B4GALT7: variants seen among roughly 807,000 people sequenced by gnomAD.
The protein encoded by B4GALT7 is UDP-Gal:beta-GlcNAc beta-1,4-galactosyltransferase 7.
A neutral mutation model predicts 33.0 loss-of-function variants in B4GALT7; 30 were observed. That is an observed-to-expected ratio of 0.91 (90% CI 0.68 to 1.23). The LOEUF (loss-of-function observed/expected upper bound fraction) is 1.23. Among genes scored for constraint, B4GALT7 ranks in the 50% most tolerant of loss-of-function variants. B4GALT7 has a pLI of 0.00. For synonymous variants in B4GALT7, 213 were observed against 187.2 expected, an observed-to-expected ratio of 1.14 and a Z score of -1.13; for missense variants, 507 against 450.8, an observed-to-expected ratio of 1.12 and a Z score of -1.13.
Position 177,606,842 on chromosome 5 carries a change from G to C in B4GALT7, c.414-460G>C. Reference sequence around the variant, plus strand: ...GTGGCAGTGCCATCTCTCCTATGCAGAGCCCTAGGCACCCACTGCCCTGTG... The same window carrying C: ...GTGGCAGTGCCATCTCTCCTATGCACAGCCCTAGGCACCCACTGCCCTGTG... On this transcript the variant is annotated intron_variant, in intron 2 of 5. Transcript: ENST00000029410. The surrounding 1 kb of genome is among the most constrained non-coding windows in gnomAD (Gnocchi z 4.2). 1 of 303,622 alleles carries C rather than the reference G, an allele frequency of 3.3e-6. No homozygotes were observed. Among genetic ancestry groups the C allele is most frequent in the Non-Finnish European group, 6.5e-6 (1 of 152,700 alleles). 18.8% of individuals were successfully genotyped at this position (303,622 alleles called of 1,614,324 possible).
intron 2 of B4GALT7, chr5:177,604,997 C>T (rs116141371): frequency 0.02 from 8,928 of 456,314 alleles, 141 homozygotes; most frequent in Non-Finnish European, 0.029. Flanking sequence ...CCTTCCATGA[C>T]CACAGCCTGA....
Position 177,600,253 on chromosome 5 carries a change from G to A in B4GALT7, c.43G>A (p.Asp15Asn). The A allele has an allele frequency of 7.3e-7, 1 of 1,365,006 alleles. No homozygotes were observed. The highest frequency in any genetic ancestry group is 9.5e-7 in the Non-Finnish European group (1 of 1,052,552). The allele number at this position is 1,365,006 out of a possible 1,614,324, so 84.6% of individuals were successfully genotyped here. The change falls in exon 1 of 6, where the codon GAC becomes AAC. Residue 15 changes from aspartate to asparagine, a missense_variant. Asp to Asn is a conservative substitution (Grantham distance 23, BLOSUM62 1). Transcript: ENST00000029410. This position sits in a 1 kb window ranked among gnomAD's most constrained non-coding sequence, Gnocchi z 4.4. Reference protein sequence around the residue: ...RRKAAQLPWEDGRSGLLSGGL... With the variant: ...RRKAAQLPWENGRSGLLSGGL... ...GAAAGCGGCGCAGCTGCCCTGGGAG[G>A]ACGGCAGGTGAGCGGCGGCGGTGGG...
Position 177,604,401 on chromosome 5 carries a change from C to A in B4GALT7, c.273C>A (p.Gly91=). Residue 91 remains glycine (G), a synonymous_variant, in exon 2 of 6, where the codon GGC becomes GGA. Transcript: ENST00000029410. ...PEHWEEDASW[G]PHRLAVLVPF... Reference sequence around the variant, plus strand: ...ACTGGGAAGAAGACGCATCCTGGGGCCCCCACCGCCTGGCAGTGCTGGTGC... The same window carrying A: ...ACTGGGAAGAAGACGCATCCTGGGGACCCCACCGCCTGGCAGTGCTGGTGC... 5 of 1,613,656 alleles carry A rather than the reference C, an allele frequency of 3.1e-6. No homozygotes were observed. Among genetic ancestry groups the A allele is most frequent in the South Asian group, 1.1e-5 (1 of 91,080 alleles).
Position 177,608,495 on chromosome 5 carries a change from C to A in B4GALT7, c.640-44C>A, listed in dbSNP as rs374322221. 1.0e-4 allele frequency: 157 copies of A among 1,565,678 alleles called. 3 individuals carry two copies. Among genetic ancestry groups the A allele is most frequent in the Middle Eastern group, 3.3e-4 (2 of 5,972 alleles). Reference sequence around the variant, plus strand: ...GCGGTAGGAGACCAAAGGCCCCCCCCCCCGGGAAGATGGGCCGAGTGACGC... The same window carrying A: ...GCGGTAGGAGACCAAAGGCCCCCCCACCCGGGAAGATGGGCCGAGTGACGC... On this transcript the variant is annotated intron_variant, in intron 3 of 5. Coordinates refer to ENST00000029410, the MANE Select transcript of B4GALT7 (RefSeq NM_007255.3). The surrounding 1 kb of genome is among the most constrained non-coding windows in gnomAD (Gnocchi z 4.1).
chr5:177,608,493 CCCCCCGGG>C lies in B4GALT7; in HGVS notation c.640-45_640-38del. On this transcript the variant is annotated intron_variant, in intron 3 of 5. Coordinates refer to ENST00000029410, the MANE Select transcript of B4GALT7 (RefSeq NM_007255.3). This position sits in a 1 kb window ranked among gnomAD's most constrained non-coding sequence, Gnocchi z 4.1. ...GAGCGGTAGGAGACCAAAGGCCCCC[CCCCCCGGG>C]AAGATGGGCCGAGTGACGCTGCTTG... The C allele has an allele frequency of 6.4e-7, 1 of 1,561,748 alleles. No individual in the cohort carries two copies. The highest frequency in any genetic ancestry group is 8.8e-7 in the Non-Finnish European group (1 of 1,135,366).
Position 177,600,165 on chromosome 5 carries a change from G to A in B4GALT7, c.-46G>A. ...CGCGTAGGCCCGGGAGGCCGGGCCG[G>A]CCGGGCTGCGAGCGCCTGCCCCATG... On this transcript the variant is annotated 5_prime_UTR_variant, in exon 1 of 6. Transcript: ENST00000029410. The surrounding 1 kb of genome is among the most constrained non-coding windows in gnomAD (Gnocchi z 4.4). 4.0e-6 allele frequency: 5 copies of A among 1,236,194 alleles called. No individual in the cohort carries two copies. The South Asian group carries it at 1.6e-4, about 39-fold the overall frequency. The allele number at this position is 1,236,194 out of a possible 1,614,324, so 76.6% of individuals were successfully genotyped here.
chr5:177,604,677 C>A, intron 2 of B4GALT7, 136 bp downstream of exon 2: 1 of 1,163,048 alleles, frequency 8.6e-7, no homozygotes, highest in African/African-American at 1.5e-5. Context: ...TGACAGGAAC[C>A]TTTGGAGAGG....
rs1237217428 is a variant in B4GALT7 at position 177,604,462 on chromosome 5, G to A, written c.334G>A (p.Val112Met). The A allele has an allele frequency of 4.3e-6, 7 of 1,613,808 alleles. No individual in the cohort carries two copies. The highest frequency in any genetic ancestry group is 5.9e-6 in the Non-Finnish European group (7 of 1,179,936). The part of the protein sequence containing the change: ...RERFEELLVF[V>M]PHMRRFLSRK... ...ACGCTTCGAGGAGCTCCTGGTCTTC[G>A]TGCCCCACATGCGCCGCTTCCTGAG... is the stretch of plus-strand genomic sequence containing the variant. The change falls in exon 2 of 6, where the codon GTG (valine) becomes ATG (methionine). Residue 112 changes from valine (V) to methionine (M), a missense_variant. By Grantham distance (21) the Val-to-Met change is conservative (BLOSUM62 1). Coordinates refer to ENST00000029410, the MANE Select transcript of B4GALT7 (RefSeq NM_007255.3).
Position 177,604,524 on chromosome 5 carries a change from C to G in B4GALT7, c.396C>G (p.Asn132Lys). 1.2e-6 allele frequency: 2 copies of G among 1,613,836 alleles called. No homozygotes were observed. The highest frequency in any genetic ancestry group is 1.7e-6 in the Non-Finnish European group (2 of 1,179,946). ...TCCGGCACCACATCTACGTGCTCAA[C>G]CAGGTGGACCACTTCAGGTAGCGCC... ...KKIRHHIYVL[N>K]QVDHFRFNRA... Residue 132 changes from asparagine to lysine, a missense_variant, in exon 2 of 6, where the codon AAC (asparagine) becomes AAG (lysine). Asn to Lys is a moderately conservative substitution (Grantham distance 94, BLOSUM62 0). Transcript: ENST00000029410.
chr5:177,604,270 T>C lies in B4GALT7; in HGVS notation c.142T>C (p.Trp48Arg), dbSNP rs1347902871. The C allele has an allele frequency of 6.2e-7, 1 of 1,613,254 alleles. No homozygotes were observed. The highest frequency in any genetic ancestry group is 8.5e-7 in the Non-Finnish European group (1 of 1,179,710). The change falls in exon 2 of 6, where the codon TGG (tryptophan) becomes CGG (arginine). Residue 48 changes from tryptophan (W) to arginine (R), a missense_variant. Transcript: ENST00000029410. Reference sequence around the variant, plus strand: ...CTCGCTGGGCTTCTTCTCCCTACTCTGGCTGCAGCTCAGCTGCTCTGGGGA... The same window carrying C: ...CTCGCTGGGCTTCTTCTCCCTACTCCGGCTGCAGCTCAGCTGCTCTGGGGA... ...CLSLGFFSLL[W>R]LQLSCSGDVA...
chr5:177,608,918 C>T lies in B4GALT7; in HGVS notation c.732C>T (p.Arg244=). ...RIKGAGLQLF[R]PSGITTGYKT... The stretch of plus-strand genomic sequence containing the variant: ...TCCTTGGACCTCCCTAGCTTTTCCG[C>T]CCCTCGGGAATCACAACTGGGTACA... The change falls in exon 5 of 6, where the codon CGC becomes CGT. Residue 244 remains arginine (R), a synonymous_variant. Transcript: ENST00000029410. This position sits in a 1 kb window ranked among gnomAD's most constrained non-coding sequence, Gnocchi z 4.1. The T allele has an allele frequency of 6.2e-7, 1 of 1,613,636 alleles. No individual in the cohort carries two copies. The highest frequency in any genetic ancestry group is 8.5e-7 in the Non-Finnish European group (1 of 1,179,930).
Position 177,608,917 on chromosome 5 carries a change from G to A in B4GALT7, c.731G>A (p.Arg244His), listed in dbSNP as rs567512466. The change falls in exon 5 of 6, where the codon CGC becomes CAC. Residue 244 changes from arginine to histidine, a missense_variant. Arg to His is a conservative substitution (Grantham distance 29). Coordinates refer to ENST00000029410, the MANE Select transcript of B4GALT7 (RefSeq NM_007255.3). This position sits in a 1 kb window ranked among gnomAD's most constrained non-coding sequence, Gnocchi z 4.1. Reference sequence around the variant, plus strand: ...TTCCTTGGACCTCCCTAGCTTTTCCGCCCCTCGGGAATCACAACTGGGTAC... The same window carrying A: ...TTCCTTGGACCTCCCTAGCTTTTCCACCCCTCGGGAATCACAACTGGGTAC... ...RIKGAGLQLF[R>H]PSGITTGYKT... is the part of the protein sequence containing the mutation. 5.3e-5 allele frequency: 86 copies of A among 1,613,526 alleles called. No homozygotes were observed. In the South Asian group the frequency reaches 8.0e-4, roughly 15 times the overall value.
At position 177,607,488 on chromosome 5, in the gene B4GALT7, C is replaced by T. The variant is rs148615542; in HGVS notation, c.600C>T (p.Val200=). Residue 200 remains valine, a synonymous_variant, in exon 3 of 6, where the codon GTC becomes GTT. Coordinates refer to ENST00000029410, the MANE Select transcript of B4GALT7 (RefSeq NM_007255.3). ...CTCTCTACCACTACAAGACCTATGT[C>T]GGCGGCATCCTGCTGCTCTCCAAGC... The part of the protein sequence containing the change: ...LHPLYHYKTY[V]GGILLLSKQH... The T allele has an allele frequency of 1.2e-4, 199 of 1,613,422 alleles. No individual in the cohort carries two copies. In the South Asian group the frequency reaches 1.5e-3, roughly 12 times the overall value.
At chr5:177,607,208 C>T in intron 2 of B4GALT7, 94 bp from the exon 3 acceptor site, 2 of 1,051,802 alleles carry the variant, frequency 1.9e-6, no homozygotes, top group Non-Finnish European at 2.8e-6. Context: ...GGCCAGAGGG[C>T]AGCATAGGCA....
Position 177,607,439 on chromosome 5 carries a change from A to T in B4GALT7, c.551A>T (p.His184Leu). 1 of 1,613,880 alleles carries T rather than the reference A, an allele frequency of 6.2e-7. No homozygotes were observed. The highest frequency in any genetic ancestry group is 8.5e-7 in the Non-Finnish European group (1 of 1,180,008). Residue 184 changes from histidine to leucine, a missense_variant, in exon 3 of 6, where the codon CAC (histidine) becomes CTC (leucine). Transcript: ENST00000029410. ...DYGFPEAGPF[H>L]VASPELHPLY... is the part of the protein sequence containing the mutation. ...GGCTTTCCTGAGGCTGGGCCCTTCC[A>T]CGTGGCCTCCCCGGAGCTCCACCCT...
At position 177,600,247 on chromosome 5, in the gene B4GALT7, T is replaced by C. The variant is rs1266147880; in HGVS notation, c.37T>C (p.Trp13Arg). Residue 13 changes from tryptophan (W) to arginine (R), a missense_variant, in exon 1 of 6, where the codon TGG (tryptophan) becomes CGG (arginine). By Grantham distance (101) the Trp-to-Arg change is moderately radical. Transcript: ENST00000029410. The surrounding 1 kb of genome is among the most constrained non-coding windows in gnomAD (Gnocchi z 4.4). ...GCGGAGGAAAGCGGCGCAGCTGCCC[T>C]GGGAGGACGGCAGGTGAGCGGCGGC... ...PSRRKAAQLP[W>R]EDGRSGLLSG... 1.4e-6 allele frequency: 2 copies of C among 1,385,352 alleles called. No homozygotes were observed. Among genetic ancestry groups the C allele is most frequent in the South Asian group, 1.5e-5 (1 of 65,106 alleles). 85.8% of individuals were successfully genotyped at this position (1,385,352 alleles called of 1,614,324 possible).
chr5:177,605,265 T>C (rs1159888987), intron 2 of B4GALT7: 5 of 335,238 alleles, frequency 1.5e-5, no homozygotes, highest in Non-Finnish European at 5.9e-6. Flanking sequence ...AATCCCAGCC[T>C]GATTTACTCC....
In B4GALT7 at chr5:177,600,261, G is replaced by A; in HGVS notation, c.50+1G>A. 7.4e-7 allele frequency: 1 copy of A among 1,351,572 alleles called. No individual in the cohort carries two copies. Among genetic ancestry groups the A allele is most frequent in the Non-Finnish European group, 9.6e-7 (1 of 1,046,004 alleles). 83.7% of individuals were successfully genotyped at this position (1,351,572 alleles called of 1,614,324 possible). ...CGCAGCTGCCCTGGGAGGACGGCAG[G>A]TGAGCGGCGGCGGTGGGCCCGGGCC... On this transcript the variant is annotated splice_donor_variant, in intron 1 of 5. Transcript: ENST00000029410. LOFTEE classifies it high-confidence loss of function. This position sits in a 1 kb window ranked among gnomAD's most constrained non-coding sequence, Gnocchi z 4.4.
chr5:177,604,207 C>G lies in B4GALT7; in HGVS notation c.79C>G (p.Arg27Gly). Residue 27 changes from arginine (R) to glycine (G), a missense_variant, in exon 2 of 6, where the codon CGG becomes GGG. Arg to Gly is a moderately radical substitution (Grantham distance 125). Transcript: ENST00000029410. The part of the protein sequence containing the change: ...RSGLLSGGLP[R>G]KCSVFHLFVA... The stretch of plus-strand genomic sequence containing the variant: ...CGGGTTGCTCTCCGGCGGCCTCCCT[C>G]GGAAGTGTTCCGTCTTCCACCTGTT... The G allele has an allele frequency of 6.2e-7, 1 of 1,613,672 alleles. No individual in the cohort carries two copies. The highest frequency in any genetic ancestry group is 8.5e-7 in the Non-Finnish European group (1 of 1,179,956).
Sources: allele counts gnomAD v4.1 joint callset, GRCh38; gene constraint gnomAD v4.1.1; non-coding constraint Gnocchi (gnomAD v3.1); transcripts MANE v1.5; gene names NCBI Gene and HGNC (gene_info 2026-07-23, HGNC 2026-07-21).